Variants in FIG4 observed in about 807,000 individuals in gnomAD.
The protein encoded by FIG4 is polyphosphoinositide phosphatase.
In FIG4, 112 loss-of-function variants were observed where a neutral mutation model predicts 118.6. The observed-to-expected ratio is 0.94, with a 90% confidence interval of 0.81 to 1.11. The LOEUF (loss-of-function observed/expected upper bound fraction) is 1.11. FIG4 is among the 50% of genes least tolerant of loss of function. The pLI is 0.00. For synonymous variants in FIG4, 369 were observed against 381.2 expected (o/e 0.97, Z 0.37); for missense variants, 969 against 1,111.7 (o/e 0.87, Z 1.83).
chr6:109,778,541 G>T (rs767459975), intron 16 of FIG4, among the ~76,000 whole-genome samples: 2 of 151,356 alleles, frequency 1.3e-5, no homozygotes, highest in Non-Finnish European at 2.9e-5. Context: ...GTGTGTATGG[G>T]ACCATGAACA....
At chr6:109,711,379 A>G (rs1319143599) in intron 1 of FIG4, among the ~76,000 whole-genome samples, 3 of 152,150 alleles carry the variant, frequency 2.0e-5, no homozygotes, top group African/African-American at 7.2e-5. Context: ...AGGCTGGGCG[A>G]CAGAGCAAGA....
At chr6:109,751,982 TC>T (rs1428256562) in intron 10 of FIG4, among the ~76,000 whole-genome samples, 4 of 83,744 alleles carry the variant, frequency 4.8e-5, no homozygotes, top group Admixed American at 1.5e-4. Flanking sequence ...ATGCTATCCC[TC>T]CCCCCTCCCC....
chr6:109,760,414 C>G, intron 11 of FIG4, 31 bp downstream of exon 11: 1 of 1,592,626 alleles, frequency 6.3e-7, no homozygotes, highest in Non-Finnish European at 8.6e-7. Context: ...TGGCTATGAT[C>G]GTTTCCTTTT....
intron 15 of FIG4, among the ~76,000 whole-genome samples, chr6:109,771,461 CTTTTTTT>C (rs71018367): frequency 3.5e-5 from 3 of 86,026 alleles, no homozygotes; most frequent in African/African-American, 9.6e-5. Flanking sequence ...TCCTCTAATT[CTTTTTTT>C]TTTTTTTTTT....
chr6:109,702,863 T>C (rs1774946448), intron 1 of FIG4, among the ~76,000 whole-genome samples: 1 of 152,180 alleles, frequency 6.6e-6, no homozygotes, highest in Non-Finnish European at 1.5e-5. Context: ...TCACACCCCT[T>C]AAGTATTCTT....
intron 3 of FIG4, among the ~76,000 whole-genome samples, chr6:109,723,574 G>A (rs1005864294): frequency 6.6e-6 from 1 of 152,132 alleles, no homozygotes; most frequent in Non-Finnish European, 1.5e-5. Flanking sequence ...CAGGGAACTG[G>A]CACCATGTCC....
chr6:109,758,627 G>C (rs1380314662), intron 10 of FIG4, among the ~76,000 whole-genome samples: 1 of 152,174 alleles, frequency 6.6e-6, no homozygotes, highest in Non-Finnish European at 1.5e-5. Context: ...TTAAACTAAA[G>C]AGCTTCTGCA....
At chr6:109,731,291 T>C (rs1775992124) in intron 4 of FIG4, among the ~76,000 whole-genome samples, 1 of 152,180 alleles carries the variant, frequency 6.6e-6, no homozygotes, top group Non-Finnish European at 1.5e-5. Context: ...TCCAGCATAA[T>C]TGAAAATGCA....
chr6:109,707,428 T>C (rs1775119838), intron 1 of FIG4, among the ~76,000 whole-genome samples: 1 of 148,358 alleles, frequency 6.7e-6, no homozygotes, highest in Non-Finnish European at 1.5e-5. Flanking sequence ...TATACATATA[T>C]ACATATATAT....
chr6:109,807,198 A>G (rs1277256310), intron 22 of FIG4, among the ~76,000 whole-genome samples: 1 of 152,200 alleles, frequency 6.6e-6, no homozygotes, highest in Non-Finnish European at 1.5e-5. Flanking sequence ...GTCTTCCACA[A>G]TGGTTGAACT....
At chr6:109,768,172 G>A (rs1212174711) in intron 15 of FIG4, among the ~76,000 whole-genome samples, 3 of 152,182 alleles carry the variant, frequency 2.0e-5, no homozygotes, top group African/African-American at 4.8e-5. Flanking sequence ...GCCAGCATGG[G>A]GTTGGCCTGG....
At chr6:109,792,314 C>T (rs1335604825) in intron 20 of FIG4, among the ~76,000 whole-genome samples, 4 of 152,224 alleles carry the variant, frequency 2.6e-5, no homozygotes, top group Admixed American at 2.6e-4. Context: ...TGGCCTTTTA[C>T]AGGATAAGGT....
At chr6:109,766,606 A>C (rs770202097) in intron 14 of FIG4, 123 bp from the exon 15 acceptor site, 30 of 775,928 alleles carry the variant, frequency 3.9e-5, no homozygotes, top group Non-Finnish European at 6.0e-5. Context: ...AAGATATTGA[A>C]GAATCTAACT....
chr6:109,728,596 A>C (rs1278020346), intron 4 of FIG4, among the ~76,000 whole-genome samples: 5 of 152,134 alleles, frequency 3.3e-5, no homozygotes, highest in East Asian at 3.9e-4. Flanking sequence ...CATCTTAGAC[A>C]GTGGTTTTCT....
chr6:109,749,757 T>C (rs946926709), intron 10 of FIG4, among the ~76,000 whole-genome samples: 2 of 152,176 alleles, frequency 1.3e-5, no homozygotes, highest in African/African-American at 4.8e-5. Flanking sequence ...GTGATCATAA[T>C]GTATTCTTTG....
chr6:109,774,152 AG>A (rs1188043417), intron 15 of FIG4, among the ~76,000 whole-genome samples: 2 of 152,208 alleles, frequency 1.3e-5, no homozygotes, highest in Non-Finnish European at 2.9e-5. Context: ...AATTATACAA[AG>A]TACAGAATGG....
At position 109,808,763 on chromosome 6, in the gene FIG4, T is replaced by A. The variant is rs74885407; in HGVS notation, c.2546+11912T>A. On this transcript the variant is annotated intron_variant, in intron 22 of 22. Transcript: ENST00000230124. ...AAGAAAAACAATTTACAGTGTTTGT[T>A]ACCAATGATAAAGTAGATCTTTTGA... is the stretch of plus-strand genomic sequence containing the variant. 6.4e-4 allele frequency among the ~76,000 whole-genome samples: 98 copies of A among 152,350 alleles called. 1 individual carries two copies. In the East Asian group the frequency reaches 0.017, roughly 26 times the overall value.
intron 10 of FIG4, among the ~76,000 whole-genome samples, chr6:109,754,537 C>T (rs555334746): frequency 3.3e-5 from 5 of 152,180 alleles, no homozygotes; most frequent in African/African-American, 1.2e-4. Context: ...CCTTGTACCT[C>T]TGGTAGAATT....
intron 10 of FIG4, among the ~76,000 whole-genome samples, chr6:109,744,238 G>T (rs1285121970): frequency 6.6e-6 from 1 of 152,068 alleles, no homozygotes; most frequent in Non-Finnish European, 1.5e-5. Flanking sequence ...GTACTGTTGT[G>T]ACTGAAGGAT....
Sources: gnomAD v4.1 joint callset for allele counts (sites outside exome capture counted in the v4.1 genomes callset) on GRCh38, gnomAD v4.1.1 for gene constraint, MANE v1.5 for transcripts, NCBI Gene and HGNC (gene_info 2026-07-23, HGNC 2026-07-21) for gene names.